The following IFT74 variants were observed in gnomAD, a reference collection of about 807,000 sequenced individuals.
IFT74 encodes intraflagellar transport 74, also known as intraflagellar transport protein 74 homolog.
In IFT74, 92 loss-of-function variants were observed where a neutral mutation model predicts 96.7. The observed-to-expected ratio is 0.95, with a 90% CI of 0.80 to 1.13. The LOEUF is 1.13. IFT74 is among the 50% of genes most tolerant of loss of function. The pLI, the probability that IFT74 is intolerant of heterozygous loss-of-function variation, is 0.00. For missense variants in IFT74, 811 were observed against 698.2 expected (o/e 1.16, Z -1.82); for synonymous variants, 223 against 213.2 (o/e 1.05, Z -0.40).
intron 18 of IFT74, among the ~76,000 whole-genome samples, chr9:27,056,680 G>A (rs1001663932): frequency 6.6e-6 from 1 of 151,842 alleles, no homozygotes; most frequent in African/African-American, 2.4e-5. Context: ...ACTGTCTTGG[G>A]CACAACTGTT....
intron 2 of IFT74, among the ~76,000 whole-genome samples, chr9:26,970,021 TTTG>T (rs990434162): frequency 3.9e-5 from 6 of 152,092 alleles, no homozygotes; most frequent in African/African-American, 1.4e-4. Context: ...CTCTTTTTTA[TTTG>T]TTGTTGTTTT....
intron 13 of IFT74, among the ~76,000 whole-genome samples, chr9:27,032,210 T>G (rs1830156572): frequency 6.6e-6 from 1 of 152,356 alleles, no homozygotes; most frequent in African/African-American, 2.4e-5. Context: ...TTCTCAAGTC[T>G]GCTAGGTCAG....
At chr9:26,981,927 C>T (rs765323727) in intron 4 of IFT74, among the ~76,000 whole-genome samples, 8 of 151,898 alleles carry the variant, frequency 5.3e-5, no homozygotes, top group Non-Finnish European at 1.2e-4. Flanking sequence ...GCCACCATGC[C>T]TGGCTAATTT....
At chr9:26,978,295 G>C in intron 3 of IFT74, 32 bp downstream of exon 3, 1 of 1,597,102 alleles carries the variant, frequency 6.3e-7, no homozygotes, top group Non-Finnish European at 8.5e-7. Flanking sequence ...TGACACTTGG[G>C]CCTGTGTTTT....
chr9:27,044,514 G>GA (rs1370331189), intron 13 of IFT74, among the ~76,000 whole-genome samples: 3 of 152,190 alleles, frequency 2.0e-5, no homozygotes, highest in Non-Finnish European at 2.9e-5. Context: ...GTTGGGAATG[G>GA]AAAGCCTTTA....
chr9:27,046,200 A>G (rs144014232), intron 14 of IFT74, among the ~76,000 whole-genome samples: 1 of 152,236 alleles, frequency 6.6e-6, no homozygotes, highest in Non-Finnish European at 1.5e-5. Flanking sequence ...TAGAAGCAGG[A>G]TATTCACACA....
chr9:26,968,058 T>C (rs1001432772), intron 2 of IFT74, among the ~76,000 whole-genome samples: 34 of 144,558 alleles, frequency 2.4e-4, no homozygotes, highest in Admixed American at 7.0e-5. Context: ...TTTCTTCATA[T>C]GTCTTGTCTT....
At chr9:27,024,617 T>G (rs973179807) in intron 12 of IFT74, among the ~76,000 whole-genome samples, 1 of 151,826 alleles carries the variant, frequency 6.6e-6, no homozygotes, top group African/African-American at 2.4e-5. Flanking sequence ...TTCTGTAACA[T>G]CCCCAGAAGA....
chr9:27,035,787 T>C (rs1042782110), intron 13 of IFT74, among the ~76,000 whole-genome samples: 1 of 152,230 alleles, frequency 6.6e-6, no homozygotes, highest in African/African-American at 2.4e-5. Context: ...GTAAAAATTA[T>C]AATTACAGTT....
At chr9:27,033,061 A>G (rs1830196897) in intron 13 of IFT74, among the ~76,000 whole-genome samples, 1 of 152,184 alleles carries the variant, frequency 6.6e-6, no homozygotes, top group Non-Finnish European at 1.5e-5. Context: ...ATCATGGTTT[A>G]CAGTTTAATG....
intron 2 of IFT74, among the ~76,000 whole-genome samples, chr9:26,972,902 C>T (rs1224713536): frequency 6.6e-6 from 1 of 152,152 alleles, no homozygotes; most frequent in African/African-American, 2.4e-5. Flanking sequence ...AAGTCACCCA[C>T]TTTTTTTATA....
chr9:27,019,611 AT>A (rs953265066), intron 12 of IFT74, among the ~76,000 whole-genome samples: 1 of 151,066 alleles, frequency 6.6e-6, no homozygotes, highest in Non-Finnish European at 1.5e-5. Flanking sequence ...CATGCTTAGT[AT>A]TTTATTAATT....
intron 1 of IFT74, among the ~76,000 whole-genome samples, chr9:26,957,170 C>G (rs1250243793): frequency 1.3e-5 from 2 of 152,174 alleles, no homozygotes; most frequent in Non-Finnish European, 2.9e-5. Flanking sequence ...TTGAATAACC[C>G]CGAAGTTAGT....
At chr9:26,966,950 A>G (rs1467309740) in intron 2 of IFT74, among the ~76,000 whole-genome samples, 1 of 151,926 alleles carries the variant, frequency 6.6e-6, no homozygotes, top group Non-Finnish European at 1.5e-5. Flanking sequence ...TGTTCCTTGC[A>G]TCTTTGTCAA....
At chr9:27,022,908 G>A (rs1488711021) in intron 12 of IFT74, among the ~76,000 whole-genome samples, 1 of 152,084 alleles carries the variant, frequency 6.6e-6, no homozygotes, top group Non-Finnish European at 1.5e-5. Context: ...AAAGTGCTGG[G>A]ATTACAGGCA....
chr9:27,012,661 TG>T (rs766540754), intron 10 of IFT74, among the ~76,000 whole-genome samples: 1 of 151,460 alleles, frequency 6.6e-6, no homozygotes, highest in Non-Finnish European at 1.5e-5. Flanking sequence ...AAACAAAATG[TG>T]CATATGGTTT....
chr9:27,049,665 A>G (rs1368351012), intron 16 of IFT74, among the ~76,000 whole-genome samples: 1 of 152,160 alleles, frequency 6.6e-6, no homozygotes, highest in African/African-American at 2.4e-5. Flanking sequence ...GAAACTTTCA[A>G]CTTGGTGGAG....
chr9:26,974,583 C>G (rs1260619636), intron 2 of IFT74, among the ~76,000 whole-genome samples: 5 of 152,072 alleles, frequency 3.3e-5, no homozygotes, highest in African/African-American at 7.2e-5. Context: ...TCCTGGTGAG[C>G]TGCATTATTA....
intron 13 of IFT74, among the ~76,000 whole-genome samples, chr9:27,036,982 G>T (rs1321064807): frequency 6.6e-6 from 1 of 152,120 alleles, no homozygotes; most frequent in African/African-American, 2.4e-5. Flanking sequence ...ACTTTGGGAG[G>T]CTGAGGCGGG....
Sources: allele counts gnomAD v4.1 joint callset (sites outside exome capture counted in the v4.1 genomes callset), GRCh38; gene constraint gnomAD v4.1.1; transcripts MANE v1.5; gene names NCBI Gene and HGNC (gene_info 2026-07-23, HGNC 2026-07-21).